CSMD1: variants seen among roughly 807,000 people sequenced by gnomAD.
CSMD1 encodes the protein CUB and sushi domain-containing protein 1.
CSMD1 carries 213 observed loss-of-function variants against 417.5 expected under a neutral mutation model. That is an observed-to-expected ratio of 0.51 (90% CI 0.46 to 0.57). CSMD1 has a LOEUF of 0.57. Among genes scored for constraint, CSMD1 ranks in the 20% least tolerant of loss-of-function variants. The pLI is 0.00. For missense variants in CSMD1, 6,923 were observed against 4,529.7 expected, an observed-to-expected ratio of 1.53 and a Z score of -15.17; for synonymous variants, 2,862 against 1,736.8, an observed-to-expected ratio of 1.65 and a Z score of -16.11.
chr8:4,421,321 C>T (rs573919669), intron 2 of CSMD1, among the ~76,000 whole-genome samples: 1 of 152,258 alleles, frequency 6.6e-6, no homozygotes, highest in Non-Finnish European at 1.5e-5. Flanking sequence ...CTCATCAACC[C>T]TATATAACAG....
chr8:4,800,820 G>C (rs1299623996), intron 1 of CSMD1, among the ~76,000 whole-genome samples: 1 of 152,230 alleles, frequency 6.6e-6, no homozygotes, highest in African/African-American at 2.4e-5. Flanking sequence ...CACCTGAGTG[G>C]TGGGTGCAGG....
chr8:4,232,717 A>G (rs1022285862), intron 3 of CSMD1, among the ~76,000 whole-genome samples: 2 of 152,224 alleles, frequency 1.3e-5, no homozygotes, highest in Non-Finnish European at 2.9e-5. Context: ...CATGTCAAGC[A>G]TGATTTAACA....
chr8:3,810,769 G>A (rs1407127423), intron 5 of CSMD1, among the ~76,000 whole-genome samples: 1 of 152,124 alleles, frequency 6.6e-6, no homozygotes, highest in Non-Finnish European at 1.5e-5. Flanking sequence ...AATGATCATG[G>A]TGTTGCATCA....
intron 3 of CSMD1, among the ~76,000 whole-genome samples, chr8:4,067,959 C>T (rs936411409): frequency 6.6e-6 from 1 of 152,080 alleles, no homozygotes; most frequent in Non-Finnish European, 1.5e-5. Flanking sequence ...CTCCTGTAAT[C>T]CCAGCTACTT....
At chr8:4,073,719 G>A (rs1050045033) in intron 3 of CSMD1, among the ~76,000 whole-genome samples, 2 of 152,010 alleles carry the variant, frequency 1.3e-5, no homozygotes, top group Admixed American at 6.6e-5. Flanking sequence ...ATATTGACTT[G>A]TATAGACACC....
At chr8:4,892,960 T>C (rs899913030) in intron 1 of CSMD1, among the ~76,000 whole-genome samples, 5 of 152,130 alleles carry the variant, frequency 3.3e-5, no homozygotes, top group Admixed American at 2.0e-4. Context: ...TATGAGCATA[T>C]TGTGAAAGAT....
At chr8:3,528,712 A>C (rs577963643) in intron 10 of CSMD1, among the ~76,000 whole-genome samples, 1 of 152,338 alleles carries the variant, frequency 6.6e-6, no homozygotes, top group Non-Finnish European at 1.5e-5. Context: ...CATATGGAAA[A>C]GCTTGAGGGA....
Position 3,606,629 on chromosome 8 carries a change from TG to T in CSMD1, c.1097+10080del, listed in dbSNP as rs1467209864. ...GTAGACCTTAGAAACACTGTATCCT[TG>T]GGCCACTATAAATTTATTAATGCTT... On this transcript the variant is annotated intron_variant, in intron 8 of 69. Coordinates refer to ENST00000635120, the MANE Select transcript of CSMD1 (RefSeq NM_033225.6). 3.9e-5 allele frequency among the ~76,000 whole-genome samples: 6 copies of T among 152,234 alleles called. 1 individual carries two copies. In the South Asian group the frequency reaches 1.2e-3, roughly 32 times the overall value.
At chr8:4,002,092 T>A (rs1815725818) in intron 4 of CSMD1, among the ~76,000 whole-genome samples, 1 of 152,152 alleles carries the variant, frequency 6.6e-6, no homozygotes, top group African/African-American at 2.4e-5. Flanking sequence ...ATTAATTGAA[T>A]ATTACACATA....
chr8:3,987,586 C>T lies in CSMD1; in HGVS notation c.818+10317G>A, dbSNP rs767724825. ...GGGAGGAACACCATTTTTAATTCCTCGTTCTTCTCACTCTAAGGCCAATTC... is the reference window on the plus strand; with the variant it reads ...GGGAGGAACACCATTTTTAATTCCTTGTTCTTCTCACTCTAAGGCCAATTC... On this transcript the variant is annotated intron_variant, in intron 5 of 69. Transcript: ENST00000635120. 6.0e-4 allele frequency among the ~76,000 whole-genome samples: 92 copies of T among 152,236 alleles called. 1 individual carries two copies. Among genetic ancestry groups the T allele is most frequent in the Non-Finnish European group, 9.4e-4 (64 of 68,026 alleles).
At chr8:3,410,845 C>G (rs1437325354) in intron 12 of CSMD1, among the ~76,000 whole-genome samples, 1 of 151,850 alleles carries the variant, frequency 6.6e-6, no homozygotes, top group Non-Finnish European at 1.5e-5. Flanking sequence ...CTCGAGTGAT[C>G]CTCCCACCTG....
At chr8:4,442,620 C>T (rs1175876846) in intron 2 of CSMD1, among the ~76,000 whole-genome samples, 1 of 152,156 alleles carries the variant, frequency 6.6e-6, no homozygotes. Flanking sequence ...CAGAAGCAAG[C>T]CCTCTGGATT....
intron 5 of CSMD1, among the ~76,000 whole-genome samples, chr8:3,990,357 G>C (rs986950342): frequency 4.6e-5 from 7 of 152,130 alleles, no homozygotes; most frequent in African/African-American, 1.2e-4. Context: ...TATTACACCA[G>C]AACTGTAGAG....
chr8:4,143,496 G>C (rs71523613), intron 3 of CSMD1, among the ~76,000 whole-genome samples: 45,157 of 150,176 alleles, frequency 0.3, 8,401 homozygotes, highest in Non-Finnish European at 0.39. Flanking sequence ...GTTAAAGCTG[G>C]TTAAACTAAA....
intron 2 of CSMD1, among the ~76,000 whole-genome samples, chr8:4,485,948 T>C (rs1346756957): frequency 6.6e-6 from 1 of 151,968 alleles, no homozygotes; most frequent in Non-Finnish European, 1.5e-5. Context: ...AGCCACAAAG[T>C]TCATCACTCT....
chr8:3,121,671 T>C (rs1380198330), intron 41 of CSMD1, among the ~76,000 whole-genome samples: 2 of 152,160 alleles, frequency 1.3e-5, no homozygotes, highest in African/African-American at 2.4e-5. Context: ...CAGTGACTCA[T>C]GCCTGTGGTC....
At chr8:4,338,289 A>G (rs1195367728) in intron 3 of CSMD1, among the ~76,000 whole-genome samples, 1 of 152,180 alleles carries the variant, frequency 6.6e-6, no homozygotes, top group Non-Finnish European at 1.5e-5. Flanking sequence ...AGTTCAATGC[A>G]GTAGTTGAAT....
intron 3 of CSMD1, among the ~76,000 whole-genome samples, chr8:4,303,116 A>G (rs1305819195): frequency 3.3e-5 from 5 of 152,134 alleles, no homozygotes; most frequent in Non-Finnish European, 7.4e-5. Flanking sequence ...GAATTAAAAT[A>G]AGGACATTAT....
At chr8:4,911,948 G>A (rs1253569365) in intron 1 of CSMD1, among the ~76,000 whole-genome samples, 1 of 151,496 alleles carries the variant, frequency 6.6e-6, no homozygotes, top group Non-Finnish European at 1.5e-5. Context: ...ACTATTTTAA[G>A]CCCCACCCAG....
Sources: gnomAD v4.1 joint callset for allele counts (sites outside exome capture counted in the v4.1 genomes callset) on GRCh38, gnomAD v4.1.1 for gene constraint, MANE v1.5 for transcripts, NCBI Gene and HGNC (gene_info 2026-07-23, HGNC 2026-07-21) for gene names.